Variants in SLC2A2 observed in about 807,000 individuals in gnomAD.
SLC2A2 encodes solute carrier family 2, facilitated glucose transporter member 2.
A neutral mutation model predicts 54.5 loss-of-function variants in SLC2A2; 36 were observed. The observed-to-expected ratio is 0.66, with a 90% CI of 0.51 to 0.87. The LOEUF (loss-of-function observed/expected upper bound fraction) is 0.87. Among genes scored for constraint, SLC2A2 ranks in the 40% least tolerant of loss-of-function variants. The probability of loss-of-function intolerance (pLI) is 0.00; values close to 1 mark genes in which losing one functional copy is unlikely to be tolerated. For synonymous variants in SLC2A2, 223 were observed against 219.1 expected, an observed-to-expected ratio of 1.02 and a Z score of -0.16; for missense variants, 543 against 624.3, an observed-to-expected ratio of 0.87 and a Z score of 1.39.
At chr3:171,026,607 T>A (rs1185193620) in intron 1 of SLC2A2, 49 bp downstream of exon 1, 1 of 1,541,408 alleles carries the variant, frequency 6.5e-7, no homozygotes, top group East Asian at 2.2e-5. Flanking sequence ...TGTATTCCCC[T>A]AACTATCTCC....
intron 3 of SLC2A2, among the ~76,000 whole-genome samples, chr3:171,012,288 G>A (rs1237426404): frequency 5.9e-5 from 9 of 152,160 alleles, no homozygotes; most frequent in African/African-American, 2.2e-4. Context: ...ACGTCTTAGA[G>A]AACCTAATAA....
rs752485141 is a variant in SLC2A2, at chr3:171,018,634, C to T, written c.16-11G>A. 27 of 1,595,088 alleles carry T rather than the reference C, an allele frequency of 1.7e-5. No homozygotes were observed. The highest frequency in any genetic ancestry group is 3.3e-4 in the Middle Eastern group (2 of 6,032). Reference sequence around the variant, plus strand: ...CAGGGTCCCAGTGACCTGCAGGGGGCGAGACACAGGGCAGGGAAACACCAG... The same window carrying T: ...CAGGGTCCCAGTGACCTGCAGGGGGTGAGACACAGGGCAGGGAAACACCAG... On this transcript the variant is annotated splice_polypyrimidine_tract_variant and intron_variant, in intron 1 of 10. Coordinates refer to ENST00000314251, the MANE Select transcript of SLC2A2 (RefSeq NM_000340.2).
At chr3:171,018,121 A>G (rs1056854728) in intron 2 of SLC2A2, among the ~76,000 whole-genome samples, 1 of 152,188 alleles carries the variant, frequency 6.6e-6, no homozygotes, top group African/African-American at 2.4e-5. Flanking sequence ...GCAAATAAGC[A>G]GGTGCTCAAA....
chr3:171,021,396 C>T (rs1382500248), intron 1 of SLC2A2, among the ~76,000 whole-genome samples: 1 of 152,234 alleles, frequency 6.6e-6, no homozygotes, highest in Non-Finnish European at 1.5e-5. Context: ...TGCCTGTTCA[C>T]TATGTGGATT....
At position 170,997,335 on chromosome 3, in the gene SLC2A2, T is replaced by A. The variant is rs886058173; in HGVS notation, c.*568A>T. ...TTTTCTCTATAGACATTTTTTAGTA[T>A]ACTCTATAATCCATTCCACATGAAA... On this transcript the variant is annotated 3_prime_UTR_variant, in exon 11 of 11. Coordinates refer to ENST00000314251, the MANE Select transcript of SLC2A2 (RefSeq NM_000340.2). 6.6e-6 allele frequency: 1 copy of A among 152,216 alleles called. No homozygotes were observed. Among genetic ancestry groups the A allele is most frequent in the Non-Finnish European group, 1.5e-5 (1 of 68,088 alleles). The allele number at this position is 152,216 out of a possible 1,614,324, so 9.4% of individuals were successfully genotyped here. A position where few individuals can be genotyped will look rare whatever the true frequency, so the allele number is the denominator to read the frequency against.
intron 3 of SLC2A2, among the ~76,000 whole-genome samples, chr3:171,011,046 G>A (rs1715858792): frequency 6.6e-6 from 1 of 152,060 alleles, no homozygotes; most frequent in Non-Finnish European, 1.5e-5. Context: ...TTCAAACTTT[G>A]ATAGGTGGGC....
intron 8 of SLC2A2, among the ~76,000 whole-genome samples, chr3:171,000,002 C>A (rs947703431): frequency 2.0e-5 from 3 of 152,036 alleles, no homozygotes; most frequent in Admixed American, 2.0e-4. Context: ...CCTCACCCCC[C>A]ACAAAACTTC....
Position 170,998,220 on chromosome 3 carries a change from A to G in SLC2A2, c.1347T>C (p.Ile449=). The G allele has an allele frequency of 6.2e-7, 1 of 1,613,818 alleles. No individual in the cohort carries two copies. Residue 449 remains isoleucine (I), a synonymous_variant, in exon 10 of 11, where the codon ATT becomes ATC. Coordinates refer to ENST00000314251, the MANE Select transcript of SLC2A2 (RefSeq NM_000340.2). The part of the protein sequence containing the change: ...AAFSNWTCNF[I]VALCFQYIAD... ...CAATGTACTGGAAACACAGAGCTAC[A>G]ATGAAATTGCAGGTCCAATTGCTGA... is the stretch of plus-strand genomic sequence containing the variant.
intron 1 of SLC2A2, among the ~76,000 whole-genome samples, chr3:171,020,979 A>C (rs1576845044): frequency 6.6e-6 from 1 of 151,468 alleles, no homozygotes; most frequent in East Asian, 1.9e-4. Flanking sequence ...AAGATATATT[A>C]ACATTTTATG....
intron 3 of SLC2A2, among the ~76,000 whole-genome samples, chr3:171,011,693 A>G (rs1256484470): frequency 1.3e-5 from 2 of 152,190 alleles, no homozygotes; most frequent in African/African-American, 4.8e-5. Context: ...GTAGAAAAAT[A>G]GTTTAAGGGG....
At chr3:171,000,002 C>G (rs947703431) in intron 8 of SLC2A2, among the ~76,000 whole-genome samples, 3 of 152,036 alleles carry the variant, frequency 2.0e-5, no homozygotes, top group East Asian at 1.9e-4. Context: ...CCTCACCCCC[C>G]ACAAAACTTC....
At chr3:171,013,280 C>T (rs1216571846) in intron 3 of SLC2A2, among the ~76,000 whole-genome samples, 1 of 152,026 alleles carries the variant, frequency 6.6e-6, no homozygotes, top group Non-Finnish European at 1.5e-5. Context: ...CAACTTGATA[C>T]ACATTGAAAT....
At chr3:171,020,334 G>GT (rs1441478816) in intron 1 of SLC2A2, among the ~76,000 whole-genome samples, 1 of 152,122 alleles carries the variant, frequency 6.6e-6, no homozygotes, top group African/African-American at 2.4e-5. Context: ...TGTTACACAT[G>GT]TAGCTTCTTG....
intron 8 of SLC2A2, among the ~76,000 whole-genome samples, chr3:171,001,487 A>ATTTGATCTGGGT (rs2108237434): frequency 6.6e-6 from 1 of 152,134 alleles, no homozygotes; most frequent in African/African-American, 2.4e-5. Context: ...TGGTCTGGAC[A>ATTTGATCTGGGT]AACCTGCCTT....
At chr3:171,008,210 T>G (rs1200898228) in intron 4 of SLC2A2, among the ~76,000 whole-genome samples, 2 of 152,144 alleles carry the variant, frequency 1.3e-5, no homozygotes, top group Admixed American at 1.3e-4. Flanking sequence ...CTTTGACAAT[T>G]GTTTTCAAAA....
intron 1 of SLC2A2, among the ~76,000 whole-genome samples, chr3:171,021,944 G>A (rs1489040139): frequency 6.6e-6 from 1 of 152,134 alleles, no homozygotes; most frequent in Non-Finnish European, 1.5e-5. Flanking sequence ...CTTCCCTTTT[G>A]AGAATTCATA....
chr3:171,007,251 C>T lies in SLC2A2; in HGVS notation c.509G>A (p.Gly170Asp), dbSNP rs760095835. The change falls in exon 5 of 11, where the codon GGC (glycine) becomes GAC (aspartate). Residue 170 changes from glycine to aspartate, a missense_variant. Transcript: ENST00000314251. ...TTCACCGATATACATAGGAACCAGG[C>T]CTGAAATTAGCCCTGCATGAAACAT... ...ISGLYCGLIS[G>D]LVPMYIGEIA... 29 of 1,603,282 alleles carry T rather than the reference C, an allele frequency of 1.8e-5. No homozygotes were observed. Among genetic ancestry groups the T allele is most frequent in the Non-Finnish European group, 5.1e-6 (6 of 1,170,810 alleles).
In SLC2A2 at chr3:171,005,409, C is replaced by CT. The variant is rs771361095; in HGVS notation, c.838dup (p.Arg280LysfsTer7). 1.2e-6 allele frequency: 2 copies of CT among 1,612,608 alleles called. No homozygotes were observed. Among genetic ancestry groups the CT allele is most frequent in the African/African-American group, 2.7e-5 (2 of 74,826 alleles). Reference sequence around the variant, plus strand: ...TTTCTGCTCACTCGATGCTTCTTCTCTTTCTTTTCTCATTTCATTAATATC... The same window carrying CT: ...TTTCTGCTCACTCGATGCTTCTTCTCTTTTCTTTTCTCATTTCATTAATATC... On this transcript the variant is annotated frameshift_variant, in exon 7 of 11. Transcript: ENST00000314251. LOFTEE classifies it high-confidence loss of function.
intron 3 of SLC2A2, among the ~76,000 whole-genome samples, chr3:171,011,373 G>T (rs1425569540): frequency 1.3e-5 from 2 of 152,118 alleles, no homozygotes; most frequent in African/African-American, 4.8e-5. Context: ...GACAGAAGTA[G>T]AGATTAGAAT....
Sources: allele counts gnomAD v4.1 joint callset (sites outside exome capture counted in the v4.1 genomes callset), GRCh38; gene constraint gnomAD v4.1.1; transcripts MANE v1.5; gene names NCBI Gene and HGNC (gene_info 2026-07-23, HGNC 2026-07-21).